The following LEPR variants were observed in gnomAD, a reference collection of about 807,000 sequenced individuals.
LEPR encodes OB receptor.
A neutral mutation model predicts 114.7 loss-of-function variants in LEPR; 56 were observed. The observed-to-expected ratio is 0.49, with a 90% CI of 0.39 to 0.61. The LOEUF (loss-of-function observed/expected upper bound fraction) is 0.61. Among genes scored for constraint, LEPR ranks in the 20% least tolerant of loss-of-function variants. LEPR has a pLI of 0.00. For missense variants in LEPR, 1,202 were observed against 1,352.9 expected, an observed-to-expected ratio of 0.89 and a Z score of 1.75; for synonymous variants, 443 against 461.4, an observed-to-expected ratio of 0.96 and a Z score of 0.51.
chr1:65,579,411 A>G (rs1298053842), intron 5 of LEPR, among the ~76,000 whole-genome samples: 2 of 152,180 alleles, frequency 1.3e-5, no homozygotes, highest in African/African-American at 4.8e-5. Context: ...TTGAGAGTGA[A>G]TAATGGAATA....
chr1:65,509,125 A>T (rs530769769), intron 2 of LEPR, among the ~76,000 whole-genome samples: 1 of 152,280 alleles, frequency 6.6e-6, no homozygotes, highest in East Asian at 1.9e-4. Context: ...AGAGCATGTC[A>T]TCAGCAAAAA....
At chr1:65,471,754 G>A (rs1476751692) in intron 2 of LEPR, among the ~76,000 whole-genome samples, 3 of 152,204 alleles carry the variant, frequency 2.0e-5, no homozygotes, top group African/African-American at 7.2e-5. Context: ...GTAGAAAATA[G>A]TCTGGTCATG....
chr1:65,479,918 CA>C (rs1647200531), intron 2 of LEPR, among the ~76,000 whole-genome samples: 1 of 143,544 alleles, frequency 7.0e-6, no homozygotes, highest in Non-Finnish European at 1.5e-5. Context: ...CAAAACAAGA[CA>C]AAAAACAAAC....
At chr1:65,573,275 C>T (rs1654338459) in intron 5 of LEPR, among the ~76,000 whole-genome samples, 1 of 152,254 alleles carries the variant, frequency 6.6e-6, no homozygotes, top group East Asian at 1.9e-4. Context: ...TGATTCTTGA[C>T]CGAAGCACAT....
chr1:65,433,850 G>A, intron 2 of LEPR: 1 of 985,146 alleles, frequency 1.0e-6, no homozygotes, highest in Non-Finnish European at 1.2e-6. Flanking sequence ...TGCCTGAAAA[G>A]ATAACAAAAA....
intron 3 of LEPR, among the ~76,000 whole-genome samples, chr1:65,566,750 C>T (rs992777219): frequency 5.3e-5 from 8 of 152,216 alleles, no homozygotes; most frequent in African/African-American, 1.9e-4. Flanking sequence ...TTCTGAGCAT[C>T]TCCTTGGCTA....
Position 65,609,979 on chromosome 1 carries a change from TGTCA to T in LEPR, c.1789_1792del (p.Leu598GlnfsTer18). ...AGGTTTATGATGCAAAATCAAAATC[TGTCA>T]GTCTCCCAGTTCCAGACTTGTGTGC... is the stretch of plus-strand genomic sequence containing the variant. On this transcript the variant is annotated frameshift_variant, in exon 13 of 20. Coordinates refer to ENST00000349533, the MANE Select transcript of LEPR (RefSeq NM_002303.6). LOFTEE classifies it high-confidence loss of function. 6.2e-7 allele frequency: 1 copy of T among 1,614,200 alleles called. No homozygotes were observed. The highest frequency in any genetic ancestry group is 8.5e-7 in the Non-Finnish European group (1 of 1,180,010).
Position 65,421,267 on chromosome 1 carries a change from A to G in LEPR, c.-97+527A>G, listed in dbSNP as rs1426554289. The G allele has an allele frequency of 1.2e-5, 18 of 1,458,714 alleles. 1 individual carries two copies. In the South Asian group the frequency reaches 2.2e-4, roughly 18 times the overall value. The allele number at this position is 1,458,714 out of a possible 1,614,324, so 90.4% of individuals were successfully genotyped here. A position where few individuals can be genotyped will look rare whatever the true frequency, so the allele number is the denominator to read the frequency against. On this transcript the variant is annotated intron_variant, in intron 1 of 19. Coordinates refer to ENST00000349533, the MANE Select transcript of LEPR (RefSeq NM_002303.6). The stretch of plus-strand genomic sequence containing the variant: ...AAGACGGTGTTTCTCGCAGTCGTGG[A>G]GAGTAGATTACGTGTAATTTTAATA...
At chr1:65,601,999 C>T (rs1018081772) in intron 10 of LEPR, 39 bp downstream of exon 10, 1 of 1,531,070 alleles carries the variant, frequency 6.5e-7, no homozygotes, top group Non-Finnish European at 9.1e-7. Flanking sequence ...TCTGTGGGCA[C>T]AGTGAGATAA....
chr1:65,461,147 G>A (rs746013007), intron 2 of LEPR, among the ~76,000 whole-genome samples: 1 of 151,246 alleles, frequency 6.6e-6, no homozygotes, highest in Non-Finnish European at 1.5e-5. Context: ...GCCAAATTTT[G>A]TATTTTTAGT....
chr1:65,634,305 A>G, intron 19 of LEPR: 1 of 983,510 alleles, frequency 1.0e-6, no homozygotes, highest in Non-Finnish European at 1.2e-6. Context: ...AAACGGGAAG[A>G]ATGTGTCTTT....
chr1:65,532,596 TGA>T (rs778692197), intron 2 of LEPR, among the ~76,000 whole-genome samples: 29 of 152,222 alleles, frequency 1.9e-4, no homozygotes, highest in Non-Finnish European at 2.6e-4. Flanking sequence ...GTCCATACAC[TGA>T]TGAATGGATA....
chr1:65,586,679 G>A (rs1356946503), intron 5 of LEPR, among the ~76,000 whole-genome samples: 1 of 151,780 alleles, frequency 6.6e-6, no homozygotes, highest in Non-Finnish European at 1.5e-5. Flanking sequence ...TACAAAAACA[G>A]GCAGATGGCT....
At chr1:65,606,026 G>A (rs1027780040) in intron 11 of LEPR, among the ~76,000 whole-genome samples, 6 of 151,968 alleles carry the variant, frequency 3.9e-5, no homozygotes, top group Non-Finnish European at 5.9e-5. Context: ...TTAGAATAAT[G>A]TTCCATAAAA....
intron 2 of LEPR, among the ~76,000 whole-genome samples, chr1:65,511,429 TACACAC>T (rs5774756): frequency 0.075 from 11,035 of 147,518 alleles, 433 homozygotes; most frequent in Non-Finnish European, 0.083. Context: ...TATATATGTA[TACACAC>T]ACACACACAC....
chr1:65,459,613 A>G (rs1646919556), intron 2 of LEPR, among the ~76,000 whole-genome samples: 1 of 152,204 alleles, frequency 6.6e-6, no homozygotes, highest in Non-Finnish European at 1.5e-5. Flanking sequence ...ACAAAGGGAA[A>G]TGTTCACAGG....
Position 65,610,065 on chromosome 1 carries a change from A to T in LEPR, c.1871A>T (p.Asn624Ile). ...CTAGATGGACTGGGATATTGGAGTAATTGGAGCAATCCAGCCTACACAGTT... is the reference window on the plus strand; with the variant it reads ...CTAGATGGACTGGGATATTGGAGTATTTGGAGCAATCCAGCCTACACAGTT... The part of the protein sequence containing the change: ...KRLDGLGYWS[N>I]WSNPAYTVVM... Residue 624 changes from asparagine to isoleucine, a missense_variant, in exon 13 of 20, where the codon AAT becomes ATT. Asn to Ile is a moderately radical substitution (Grantham distance 149). Transcript: ENST00000349533. 6.2e-7 allele frequency: 1 copy of T among 1,614,214 alleles called. No homozygotes were observed. Among genetic ancestry groups the T allele is most frequent in the South Asian group, 1.1e-5 (1 of 91,086 alleles).
At chr1:65,421,493 A>G in intron 1 of LEPR, 1 of 1,535,900 alleles carries the variant, frequency 6.5e-7, no homozygotes, top group South Asian at 1.2e-5. Context: ...TCTGTCGAAT[A>G]GAGTAGCATG....
At chr1:65,444,190 G>GGATCAGGAAAAAGGAACTC (rs1646684928) in intron 2 of LEPR, among the ~76,000 whole-genome samples, 1 of 28,316 alleles carries the variant, frequency 3.5e-5, no homozygotes, top group Non-Finnish European at 1.0e-4. Flanking sequence ...TCCCACCTAT[G>GGATCAGGAAAAAGGAACTC]AGTGAGAATA....
Sources: allele counts gnomAD v4.1 joint callset (sites outside exome capture counted in the v4.1 genomes callset), GRCh38; gene constraint gnomAD v4.1.1; transcripts MANE v1.5; gene names NCBI Gene and HGNC (gene_info 2026-07-23, HGNC 2026-07-21).